The following TUSC3 variants were observed in gnomAD, a reference collection of about 807,000 sequenced individuals.
The protein encoded by TUSC3 is tumor suppressor candidate 3, also known as dolichyl-diphosphooligosaccharide--protein glycosyltransferase subunit TUSC3.
In TUSC3, 45 loss-of-function variants were observed where a neutral mutation model predicts 44.8. That is an observed-to-expected ratio of 1.00 (90% CI 0.79 to 1.29). TUSC3 has a LOEUF of 1.29. Among genes scored for constraint, TUSC3 ranks in the 50% most tolerant of loss-of-function variants. The pLI is 0.00. For synonymous variants in TUSC3, 212 were observed against 152.9 expected (o/e 1.39, Z -2.85); for missense variants, 519 against 437.9 (o/e 1.19, Z -1.65).
chr8:15,741,171 A>G (rs1384810065), intron 7 of TUSC3, among the ~76,000 whole-genome samples: 1 of 152,012 alleles, frequency 6.6e-6, no homozygotes, highest in Non-Finnish European at 1.5e-5. Context: ...ATGTGCATTT[A>G]TATGTGTATA....
At chr8:15,749,788 A>G (rs1158675185) in intron 9 of TUSC3, among the ~76,000 whole-genome samples, 1 of 146,214 alleles carries the variant, frequency 6.8e-6, no homozygotes, top group Non-Finnish European at 1.5e-5. Context: ...TTTTTGTATG[A>G]TTGGTACTTA....
intron 1 of TUSC3, among the ~76,000 whole-genome samples, chr8:15,564,603 A>G (rs1299754071): frequency 6.6e-6 from 1 of 152,006 alleles, no homozygotes; most frequent in Non-Finnish European, 1.5e-5. Flanking sequence ...TTTCTTTTAC[A>G]TCCGTTGATG....
chr8:15,678,470 A>G (rs1269661325), intron 6 of TUSC3, among the ~76,000 whole-genome samples: 3 of 152,140 alleles, frequency 2.0e-5, no homozygotes, highest in African/African-American at 7.2e-5. Context: ...TTATTTCGAG[A>G]TATGCCCTGG....
chr8:15,587,546 A>G (rs1041791737), intron 1 of TUSC3, among the ~76,000 whole-genome samples: 1 of 152,138 alleles, frequency 6.6e-6, no homozygotes. Context: ...CAGCACCCCA[A>G]ATATTTATCA....
intron 2 of TUSC3, among the ~76,000 whole-genome samples, chr8:15,637,136 G>C (rs911288089): frequency 3.9e-5 from 6 of 152,086 alleles, no homozygotes; most frequent in Non-Finnish European, 8.8e-5. Flanking sequence ...TTATATCGTA[G>C]TTTAAAATAC....
At chr8:15,584,070 C>G (rs1343293897) in intron 1 of TUSC3, among the ~76,000 whole-genome samples, 1 of 152,194 alleles carries the variant, frequency 6.6e-6, no homozygotes, top group African/African-American at 2.4e-5. Flanking sequence ...AACACAGCAG[C>G]TTAACTGTTT....
At chr8:15,450,100 C>T (rs1053108442) in intron 1 of TUSC3, among the ~76,000 whole-genome samples, 1 of 152,156 alleles carries the variant, frequency 6.6e-6, no homozygotes, top group South Asian at 2.1e-4. Flanking sequence ...TTGAGTGACA[C>T]ATGACGACTG....
intron 1 of TUSC3, among the ~76,000 whole-genome samples, chr8:15,463,649 C>G (rs1800377332): frequency 1.3e-5 from 2 of 152,034 alleles, no homozygotes; most frequent in Non-Finnish European, 2.9e-5. Flanking sequence ...TGATTATTAC[C>G]AAATAATTAG....
At chr8:15,615,499 G>A (rs1209472948) in intron 1 of TUSC3, among the ~76,000 whole-genome samples, 1 of 152,128 alleles carries the variant, frequency 6.6e-6, no homozygotes, top group Non-Finnish European at 1.5e-5. Context: ...ATAGGAAGAG[G>A]TTATTTAGCC....
chr8:15,732,563 AG>A (rs1443038636), intron 7 of TUSC3, among the ~76,000 whole-genome samples: 1 of 119,718 alleles, frequency 8.4e-6, no homozygotes, highest in Non-Finnish European at 1.8e-5. Context: ...GTAGATGACC[AG>A]GAAAAAAAAA....
At chr8:15,601,781 C>G (rs1009055371) in intron 1 of TUSC3, among the ~76,000 whole-genome samples, 3 of 151,672 alleles carry the variant, frequency 2.0e-5, no homozygotes, top group African/African-American at 7.2e-5. Flanking sequence ...GTATTAAGAG[C>G]TTTCCTGAGT....
chr8:15,750,243 T>TCACG (rs1208671013), intron 9 of TUSC3, among the ~76,000 whole-genome samples: 1 of 152,078 alleles, frequency 6.6e-6, no homozygotes, highest in Non-Finnish European at 1.5e-5. Flanking sequence ...CCTCCCAAAG[T>TCACG]GCTGGGATTA....
At chr8:15,643,549 T>C (rs1003077222) in intron 2 of TUSC3, among the ~76,000 whole-genome samples, 18 of 152,172 alleles carry the variant, frequency 1.2e-4, no homozygotes, top group African/African-American at 4.3e-4. Flanking sequence ...TCACATATGT[T>C]AGAATTGTTT....
In TUSC3 at chr8:15,448,947, T is replaced by G. The variant is rs370226430; in HGVS notation, n.91+31642T>G. ...TTTTACTTTATTTTTTTTAATAAAT[T>G]TAGCATAGACTAATTGTAGAGTGTT... On this transcript the variant is annotated intron_variant and non_coding_transcript_variant, in intron 1 of 5. Transcript: ENST00000503191. Among the ~76,000 whole-genome samples the G allele has an allele frequency of 2.0e-5, 3 of 152,210 alleles. No individual in the cohort carries two copies. In the East Asian group the frequency reaches 5.8e-4, roughly 29 times the overall value.
At chr8:15,441,692 G>A (rs1319987139) in intron 1 of TUSC3, among the ~76,000 whole-genome samples, 1 of 152,100 alleles carries the variant, frequency 6.6e-6, no homozygotes, top group African/African-American at 2.4e-5. Flanking sequence ...ATTCAGTTGT[G>A]AAGAAGTGTA....
At chr8:15,571,812 G>C (rs1802888980) in intron 1 of TUSC3, among the ~76,000 whole-genome samples, 1 of 152,168 alleles carries the variant, frequency 6.6e-6, no homozygotes, top group Admixed American at 6.5e-5. Context: ...CTCCATCAGA[G>C]CTTTTGAGTG....
chr8:15,583,325 A>C (rs1803453874), intron 1 of TUSC3, among the ~76,000 whole-genome samples: 1 of 152,200 alleles, frequency 6.6e-6, no homozygotes, highest in African/African-American at 2.4e-5. Flanking sequence ...ATTTTGTAAT[A>C]AAATGCGGAA....
intron 1 of TUSC3, among the ~76,000 whole-genome samples, chr8:15,430,730 C>G (rs1484502644): frequency 6.6e-6 from 1 of 151,610 alleles, no homozygotes; most frequent in Non-Finnish European, 1.5e-5. Flanking sequence ...CTAGAAAACC[C>G]CATTGTCTCA....
intron 2 of TUSC3, among the ~76,000 whole-genome samples, chr8:15,513,433 A>C (rs757203255): frequency 6.6e-6 from 1 of 152,214 alleles, no homozygotes; most frequent in Non-Finnish European, 1.5e-5. Context: ...TGCAGACTGT[A>C]ATTTAAAAAC....
Sources: gnomAD v4.1 joint callset for allele counts (sites outside exome capture counted in the v4.1 genomes callset) on GRCh38, gnomAD v4.1.1 for gene constraint, MANE v1.5 for transcripts, NCBI Gene and HGNC (gene_info 2026-07-23, HGNC 2026-07-21) for gene names.